The following SAMD12 variants were observed in gnomAD, a reference collection of about 807,000 sequenced individuals.
SAMD12 encodes the protein sterile alpha motif domain-containing protein 12.
In SAMD12, 9 loss-of-function variants were observed where a neutral mutation model predicts 15.0. The observed-to-expected ratio is 0.60, with a 90% CI of 0.36 to 1.05. The LOEUF is 1.05. Among genes scored for constraint, SAMD12 ranks in the 50% least tolerant of loss-of-function variants. The pLI is 0.01. For missense variants in SAMD12, 230 were observed against 234.2 expected, an observed-to-expected ratio of 0.98 and a Z score of 0.12; for synonymous variants, 86 against 90.1, an observed-to-expected ratio of 0.96 and a Z score of 0.25.
chr8:118,369,561 C>A (rs1032635965), intron 4 of SAMD12, among the ~76,000 whole-genome samples: 1 of 151,814 alleles, frequency 6.6e-6, no homozygotes, highest in Non-Finnish European at 1.5e-5. Context: ...ACTAAAAATT[C>A]AAAAATTAGC....
intron 2 of SAMD12, among the ~76,000 whole-genome samples, chr8:118,555,078 A>G (rs75112947): frequency 0.018 from 2,685 of 152,318 alleles, 82 homozygotes; most frequent in African/African-American, 0.061. Context: ...AAAATAAAGG[A>G]AAATAATAAT....
chr8:118,377,017 A>C (rs1176066105), downstream of SAMD12, among the ~76,000 whole-genome samples: 2 of 152,118 alleles, frequency 1.3e-5, no homozygotes, highest in East Asian at 1.9e-4. Context: ...ACAACTTATC[A>C]ATTTTGTTTC....
intron 2 of SAMD12, among the ~76,000 whole-genome samples, chr8:118,531,332 C>G (rs1308401559): frequency 6.6e-6 from 1 of 152,158 alleles, no homozygotes; most frequent in African/African-American, 2.4e-5. Context: ...GTTACTGTAG[C>G]CTTGTAGTAT....
intron 4 of SAMD12, among the ~76,000 whole-genome samples, chr8:118,256,596 T>C (rs1259004305): frequency 4.6e-5 from 7 of 151,806 alleles, no homozygotes; most frequent in Non-Finnish European, 2.9e-5. Context: ...GTGCGTAAAG[T>C]ACTAATGGGG....
At chr8:118,241,331 T>C (rs1812558864) in intron 4 of SAMD12, among the ~76,000 whole-genome samples, 1 of 152,104 alleles carries the variant, frequency 6.6e-6, no homozygotes, top group Admixed American at 6.5e-5. Context: ...TACTCATCAC[T>C]TTCAGAACAG....
chr8:118,328,631 T>TA (rs1176975197), intron 4 of SAMD12, among the ~76,000 whole-genome samples: 4 of 152,196 alleles, frequency 2.6e-5, no homozygotes, highest in African/African-American at 9.7e-5. Context: ...ACCACAGACT[T>TA]AAAGTATAAG....
chr8:118,299,941 T>C (rs534199852), intron 4 of SAMD12, among the ~76,000 whole-genome samples: 2 of 152,296 alleles, frequency 1.3e-5, no homozygotes, highest in Admixed American at 6.5e-5. Flanking sequence ...CATGATGACA[T>C]GAAAATCATG....
chr8:118,216,524 G>C (rs144630214), intron 4 of SAMD12, among the ~76,000 whole-genome samples: 25 of 152,282 alleles, frequency 1.6e-4, no homozygotes, highest in African/African-American at 5.5e-4. Context: ...CAGTCATTGA[G>C]TGCTTTCTAC....
At chr8:118,534,193 C>T (rs558567262) in intron 2 of SAMD12, among the ~76,000 whole-genome samples, 74 of 152,120 alleles carry the variant, frequency 4.9e-4, no homozygotes, top group African/African-American at 1.6e-3. Flanking sequence ...ATTTCTCCTT[C>T]ACTTATGAAG....
At chr8:118,153,449 A>G in the SAMD12 span, among the ~76,000 whole-genome samples, 1 of 152,196 alleles carries the variant, frequency 6.6e-6, no homozygotes, top group Non-Finnish European at 1.5e-5. Context: ...TGCAAAATAT[A>G]CTCAAAGCAT....
chr8:118,242,605 A>C (rs937638542), intron 4 of SAMD12, among the ~76,000 whole-genome samples: 4 of 152,104 alleles, frequency 2.6e-5, no homozygotes, highest in African/African-American at 7.2e-5. Flanking sequence ...ATAGGGTTTG[A>C]TATTCTCTGT....
At position 118,621,953 on chromosome 8, in the gene SAMD12, C is replaced by T. The variant is rs954772357; in HGVS notation, c.-137G>A. The T allele has an allele frequency of 1.0e-5, 11 of 1,060,682 alleles. No homozygotes were observed. The African/African-American group carries it at 1.7e-4, about 16-fold the overall frequency. 65.7% of individuals were successfully genotyped at this position (1,060,682 alleles called of 1,614,324 possible). A position where few individuals can be genotyped will look rare whatever the true frequency, so the allele number is the denominator to read the frequency against. The stretch of plus-strand genomic sequence containing the variant: ...CCAGGACCAACCTGCCGCGGTCACG[C>T]AAAGCGAGGCAGCCGGCTCCCGGCT... On this transcript the variant is annotated 5_prime_UTR_variant, in exon 1 of 4. Transcript: ENST00000314727.
chr8:118,316,770 C>T (rs1374138113), intron 4 of SAMD12, among the ~76,000 whole-genome samples: 1 of 151,792 alleles, frequency 6.6e-6, no homozygotes, highest in African/African-American at 2.4e-5. Flanking sequence ...ATCCTAACCC[C>T]CACAGGGTCT....
chr8:118,277,651 G>C (rs1353845144), intron 4 of SAMD12, among the ~76,000 whole-genome samples: 1 of 151,490 alleles, frequency 6.6e-6, no homozygotes, highest in African/African-American at 2.4e-5. Context: ...GAAACAAAAG[G>C]AATTAATCCT....
At chr8:118,332,833 A>G (rs1048234780) in intron 4 of SAMD12, among the ~76,000 whole-genome samples, 1 of 152,074 alleles carries the variant, frequency 6.6e-6, no homozygotes, top group Non-Finnish European at 1.5e-5. Flanking sequence ...TCTCACCACC[A>G]TCTCTGGAAT....
chr8:118,260,335 A>T (rs1813048654), intron 4 of SAMD12, among the ~76,000 whole-genome samples: 1 of 152,142 alleles, frequency 6.6e-6, no homozygotes, highest in African/African-American at 2.4e-5. Context: ...TTTGAGATGC[A>T]GAATAAAGCC....
chr8:118,138,219 G>A, the SAMD12 span, among the ~76,000 whole-genome samples: 59,041 of 151,970 alleles, frequency 0.39, 12,861 homozygotes, highest in Middle Eastern at 0.52. Context: ...GTGACTCGAA[G>A]CGGGCTGAAT....
At chr8:118,232,989 G>A (rs1292025192) in intron 4 of SAMD12, among the ~76,000 whole-genome samples, 1 of 152,164 alleles carries the variant, frequency 6.6e-6, no homozygotes, top group African/African-American at 2.4e-5. Context: ...ACAGCTCAGA[G>A]AAACCGATCA....
chr8:118,378,384 T>G lies in SAMD12; in HGVS notation c.*1033A>C, dbSNP rs1212370841. 2 of 959,186 alleles carry G rather than the reference T, an allele frequency of 2.1e-6. No homozygotes were observed. Among genetic ancestry groups the G allele is most frequent in the Non-Finnish European group, 2.5e-6 (2 of 806,230 alleles). The allele number at this position is 959,186 out of a possible 1,614,324, so 59.4% of individuals were successfully genotyped here. On this transcript the variant is annotated 3_prime_UTR_variant, in exon 4 of 4. Transcript: ENST00000314727. ...AGCCTATCAGTATTTCACATTCAAA[T>G]TTAAATCACTTAGTATACCAGTAAA...
Sources: gnomAD v4.1 joint callset for allele counts (sites outside exome capture counted in the v4.1 genomes callset) on GRCh38, gnomAD v4.1.1 for gene constraint, MANE v1.5 for transcripts, NCBI Gene and HGNC (gene_info 2026-07-23, HGNC 2026-07-21) for gene names.